NOMO1: variants seen among roughly 807,000 people sequenced by gnomAD.
The protein encoded by NOMO1 is NODAL modulator 1.
In NOMO1, 40 loss-of-function variants were observed where a neutral mutation model predicts 133.8. The observed-to-expected ratio is 0.30, with a 90% confidence interval of 0.23 to 0.39. NOMO1 has a LOEUF of 0.39. NOMO1 is among the 10% of genes least tolerant of loss of function. NOMO1 has a pLI of 1.00. For synonymous variants in NOMO1, 236 were observed against 570.5 expected (o/e 0.41, Z 8.36); for missense variants, 462 against 1,419.9 (o/e 0.33, Z 10.84).
intron 15 of NOMO1, among the ~76,000 whole-genome samples, chr16:14,867,001 T>A (rs1373038664): frequency 6.8e-6 from 1 of 146,952 alleles, no homozygotes; most frequent in Non-Finnish European, 1.5e-5. Context: ...TTGGGTAAAT[T>A]CGTTTACTGC....
chr16:14,892,547 C>T (rs1326943986), intron 29 of NOMO1, among the ~76,000 whole-genome samples: 1 of 150,774 alleles, frequency 6.6e-6, no homozygotes, highest in Non-Finnish European at 1.5e-5. Flanking sequence ...GTTCCCCTTC[C>T]TGTATACCTA....
chr16:14,888,465 G>A (rs1377277816), intron 28 of NOMO1: 2 of 153,836 alleles, frequency 1.3e-5, no homozygotes, highest in African/African-American at 4.9e-5. Flanking sequence ...ATAAGACGGG[G>A]TGATGATCCC....
intron 29 of NOMO1, among the ~76,000 whole-genome samples, chr16:14,892,401 A>T (rs1964418060): frequency 6.6e-6 from 1 of 151,544 alleles, no homozygotes; most frequent in Non-Finnish European, 1.5e-5. Context: ...CAGACAACTC[A>T]TCCGGGCTCA....
chr16:14,841,997 A>G (rs1398034813), intron 3 of NOMO1, among the ~76,000 whole-genome samples: 2 of 151,950 alleles, frequency 1.3e-5, no homozygotes, highest in African/African-American at 4.8e-5. Context: ...GAGTGTTCAG[A>G]GGGGCTGGCA....
At position 14,874,050 on chromosome 16, in the gene NOMO1, T is replaced by C. The variant is rs62038474; in HGVS notation, c.2055-986T>C. 5.8e-3 allele frequency among the ~76,000 whole-genome samples: 201 copies of C among 34,690 alleles called. 2 individuals carry two copies. The highest frequency in any genetic ancestry group is 0.01 in the Admixed American group (18 of 1,788). 22.8% of individuals were successfully genotyped at this position (34,690 alleles called of 152,430 possible). ...GTCTGACCCCCCTCTGGGGTCACTG[T>C]AGCAGCTTCCCAGCTGGGCTTCGCT... On this transcript the variant is annotated intron_variant, in intron 18 of 30. Coordinates refer to ENST00000287667, the MANE Select transcript of NOMO1 (RefSeq NM_014287.4).
Position 14,884,399 on chromosome 16 carries a change from A to C in NOMO1, c.3139A>C (p.Asn1047His). Residue 1047 changes from asparagine to histidine, a missense_variant, in exon 27 of 31, where the codon AAC (asparagine) becomes CAC (histidine). Coordinates refer to ENST00000287667, the MANE Select transcript of NOMO1 (RefSeq NM_014287.4). ...EVGNNDIDDV[N>H]IIVFRQINQF... ...TGGGAATAATGACATCGATGATGTA[A>C]ACATCATAGTTTTCCGGCAGATTAA... is the stretch of plus-strand genomic sequence containing the variant. 6.2e-7 allele frequency: 1 copy of C among 1,607,366 alleles called. No homozygotes were observed. The highest frequency in any genetic ancestry group is 1.3e-5 in the African/African-American group (1 of 74,530).
At chr16:14,843,715 T>TTGTG (rs59391735) in intron 3 of NOMO1, among the ~76,000 whole-genome samples, 1,798 of 125,886 alleles carry the variant, frequency 0.014, 18 homozygotes, top group East Asian at 0.021. Context: ...ATTGGAGTCT[T>TTGTG]TGTGTGTGTG....
chr16:14,893,103 A>G lies in NOMO1; in HGVS notation c.3445-1895A>G, dbSNP rs533281571. Among the ~76,000 whole-genome samples the G allele has an allele frequency of 2.2e-4, 33 of 150,910 alleles. 1 individual carries two copies. In the East Asian group the frequency reaches 4.9e-3, roughly 22 times the overall value. On this transcript the variant is annotated intron_variant, in intron 29 of 30. Transcript: ENST00000287667. ...TCATAGTTGAGTAAACTGAGTCTCA[A>G]CGTGGTTGCCTGAGTTTACCCAGTG...
intron 9 of NOMO1, among the ~76,000 whole-genome samples, chr16:14,854,864 A>G (rs1202139386): frequency 6.7e-6 from 1 of 149,682 alleles, no homozygotes; most frequent in East Asian, 2.0e-4. Flanking sequence ...AGAGAACCAT[A>G]CTTCACTCCT....
intron 25 of NOMO1, 37 bp downstream of exon 25, chr16:14,881,722 T>A: frequency 6.2e-7 from 1 of 1,611,060 alleles, no homozygotes. Flanking sequence ...GGGACTTTTT[T>A]TTCATCCTGT....
At chr16:14,893,648 A>C (rs944631017) in intron 29 of NOMO1, among the ~76,000 whole-genome samples, 3 of 150,718 alleles carry the variant, frequency 2.0e-5, no homozygotes, top group African/African-American at 7.4e-5. Flanking sequence ...GCCCACAGTC[A>C]CTCTCTAGCC....
intron 11 of NOMO1, chr16:14,862,374 T>C (rs985745235): frequency 7.8e-5 from 12 of 153,976 alleles, no homozygotes; most frequent in African/African-American, 2.7e-4. Context: ...TTATTTAGAA[T>C]CTCAAATCTG....
At chr16:14,875,888 CTTA>C (rs1394348909) in intron 20 of NOMO1, among the ~76,000 whole-genome samples, 3 of 151,224 alleles carry the variant, frequency 2.0e-5, no homozygotes, top group Non-Finnish European at 2.9e-5. Context: ...TCTTTTGCCA[CTTA>C]TTATTTTTTT....
chr16:14,864,904 C>T (rs1963971003), intron 13 of NOMO1, 120 bp from the exon 14 acceptor site: 4 of 1,395,302 alleles, frequency 2.9e-6, no homozygotes, highest in Non-Finnish European at 4.0e-6. Context: ...CCGTCTGCCT[C>T]CGGCCACTGC....
At chr16:14,836,513 G>T (rs1243324730) in intron 1 of NOMO1, among the ~76,000 whole-genome samples, 2 of 151,818 alleles carry the variant, frequency 1.3e-5, no homozygotes, top group Non-Finnish European at 2.9e-5. Flanking sequence ...GCTTTTAGGT[G>T]CATCAGACCC....
chr16:14,851,031 C>G (rs1012745232), intron 6 of NOMO1, among the ~76,000 whole-genome samples: 1 of 144,330 alleles, frequency 6.9e-6, no homozygotes, highest in African/African-American at 2.6e-5. Flanking sequence ...TAGCAGTGAG[C>G]CAAGATTGCA....
At chr16:14,892,748 C>G (rs1349444674) in intron 29 of NOMO1, among the ~76,000 whole-genome samples, 1 of 151,394 alleles carries the variant, frequency 6.6e-6, no homozygotes, top group Non-Finnish European at 1.5e-5. Context: ...AGCCTTCGAG[C>G]AGGTGTGCCA....
At chr16:14,876,016 T>C (rs1964154993) in intron 20 of NOMO1, among the ~76,000 whole-genome samples, 1 of 142,112 alleles carries the variant, frequency 7.0e-6, no homozygotes, top group Non-Finnish European at 1.5e-5. Context: ...TCTTTCTCAG[T>C]GGGTCCTCCA....
intron 3 of NOMO1, among the ~76,000 whole-genome samples, chr16:14,842,493 G>A (rs1244966667): frequency 6.6e-6 from 1 of 150,954 alleles, no homozygotes; most frequent in Non-Finnish European, 1.5e-5. Context: ...GCCTGGAGGA[G>A]TGTTGTGTTT....
Sources: gnomAD v4.1 joint callset for allele counts (sites outside exome capture counted in the v4.1 genomes callset) on GRCh38, gnomAD v4.1.1 for gene constraint, MANE v1.5 for transcripts, NCBI Gene and HGNC (gene_info 2026-07-23, HGNC 2026-07-21) for gene names.